The following ATP8A1 variants were observed in gnomAD, a reference collection of about 807,000 sequenced individuals.
The protein encoded by ATP8A1 is phospholipid-transporting ATPase IA.
In ATP8A1, 90 loss-of-function variants were observed where a neutral mutation model predicts 177.7. The observed-to-expected ratio is 0.51, with a 90% confidence interval of 0.43 to 0.60. The LOEUF (loss-of-function observed/expected upper bound fraction) is 0.60. Among genes scored for constraint, ATP8A1 ranks in the 20% least tolerant of loss-of-function variants. ATP8A1 has a pLI of 0.00. For missense variants in ATP8A1, 1,072 were observed against 1,392.8 expected (o/e 0.77, Z 3.67); for synonymous variants, 493 against 485.9 (o/e 1.01, Z -0.19).
At position 42,411,499 on chromosome 4, in the gene ATP8A1, T is replaced by C. The variant is rs1712598688; in HGVS notation, c.*1417A>G. On this transcript the variant is annotated 3_prime_UTR_variant, in exon 37 of 37. Coordinates refer to ENST00000381668, the MANE Select transcript of ATP8A1 (RefSeq NM_006095.2). ...TCTCTGAAGTGTATCTGAAAACTAA[T>C]TCCTTTTTTTCAAATGAAAGTATTA... 1 of 152,246 alleles carries C rather than the reference T, an allele frequency of 6.6e-6. No homozygotes were observed. Among genetic ancestry groups the C allele is most frequent in the African/African-American group, 2.4e-5 (1 of 41,460 alleles). 9.4% of individuals were successfully genotyped at this position (152,246 alleles called of 1,614,324 possible).
At chr4:42,448,797 T>A (rs1717590593) in intron 30 of ATP8A1, among the ~76,000 whole-genome samples, 1 of 150,832 alleles carries the variant, frequency 6.6e-6, no homozygotes. Context: ...CTTTATTGCA[T>A]TAAAATCCAT....
rs1712776828 is a variant in ATP8A1, at chr4:42,412,858, G to A, written c.*58C>T. 2 of 1,495,454 alleles carry A rather than the reference G, an allele frequency of 1.3e-6. No homozygotes were observed. The highest frequency in any genetic ancestry group is 2.8e-5 in the African/African-American group (2 of 72,452). 92.6% of individuals were successfully genotyped at this position (1,495,454 alleles called of 1,614,324 possible). ...CTGGAATTGGTTAGCAGACTGCGGT[G>A]ACAACCTGGTAGCTCTCCTTAGAGA... is the stretch of plus-strand genomic sequence containing the variant. On this transcript the variant is annotated 3_prime_UTR_variant, in exon 37 of 37. Coordinates refer to ENST00000381668, the MANE Select transcript of ATP8A1 (RefSeq NM_006095.2).
At chr4:42,579,077 C>T (rs1239829717) in intron 11 of ATP8A1, among the ~76,000 whole-genome samples, 1 of 151,918 alleles carries the variant, frequency 6.6e-6, no homozygotes, top group African/African-American at 2.4e-5. Context: ...TGCTTTCACA[C>T]TTTTGGAAGT....
chr4:42,589,857 T>A (rs943174945), intron 7 of ATP8A1, among the ~76,000 whole-genome samples: 1 of 152,006 alleles, frequency 6.6e-6, no homozygotes, highest in African/African-American at 2.4e-5. Flanking sequence ...TTCTACTTTT[T>A]TTTTTTGCAT....
At chr4:42,614,213 C>CCACAGG (rs1736676914) in intron 5 of ATP8A1, among the ~76,000 whole-genome samples, 1 of 152,088 alleles carries the variant, frequency 6.6e-6, no homozygotes, top group Non-Finnish European at 1.5e-5. Context: ...GGTGGAGCAC[C>CCACAGG]TGTGTGGTAG....
At chr4:42,616,428 T>C (rs753835736) in intron 4 of ATP8A1, among the ~76,000 whole-genome samples, 2 of 152,258 alleles carry the variant, frequency 1.3e-5, no homozygotes, top group African/African-American at 4.8e-5. Flanking sequence ...TTTGCTTTAA[T>C]AACTCACTTC....
intron 1 of ATP8A1, among the ~76,000 whole-genome samples, chr4:42,632,692 G>C (rs564653903): frequency 1.3e-5 from 2 of 152,312 alleles, no homozygotes; most frequent in South Asian, 4.1e-4. Flanking sequence ...AAAGGATGCT[G>C]GTGGGTCACT....
chr4:42,505,543 C>T (rs1724280144), intron 23 of ATP8A1, among the ~76,000 whole-genome samples: 1 of 152,122 alleles, frequency 6.6e-6, no homozygotes, highest in African/African-American at 2.4e-5. Context: ...CATTTTCTCT[C>T]TAATAGCAGC....
Position 42,411,197 on chromosome 4 carries a change from T to C in ATP8A1, c.*1719A>G, listed in dbSNP as rs1712562789. 1.3e-5 allele frequency: 2 copies of C among 152,194 alleles called. No homozygotes were observed. The highest frequency in any genetic ancestry group is 1.3e-4 in the Admixed American group (2 of 15,278). 9.4% of individuals were successfully genotyped at this position (152,194 alleles called of 1,614,324 possible). ...TAAGGTTAGAATTATGTATATGTGTTATAACCTCTTATTTGTAGAAAATGG... is the reference window on the plus strand; with the variant it reads ...TAAGGTTAGAATTATGTATATGTGTCATAACCTCTTATTTGTAGAAAATGG... On this transcript the variant is annotated 3_prime_UTR_variant, in exon 37 of 37. Coordinates refer to ENST00000381668, the MANE Select transcript of ATP8A1 (RefSeq NM_006095.2).
At chr4:42,498,535 A>G (rs1003347855) in intron 24 of ATP8A1, among the ~76,000 whole-genome samples, 1 of 152,204 alleles carries the variant, frequency 6.6e-6, no homozygotes, top group Non-Finnish European at 1.5e-5. Context: ...ATGTAAGTGA[A>G]GTGAAACACT....
At chr4:42,494,162 CAAAAAA>C (rs397993131) in intron 24 of ATP8A1, among the ~76,000 whole-genome samples, 4,835 of 53,518 alleles carry the variant, frequency 0.09, 409 homozygotes, top group African/African-American at 0.26. Flanking sequence ...GATCATGCCA[CAAAAAA>C]AAAAAAAAAA....
intron 12 of ATP8A1, among the ~76,000 whole-genome samples, chr4:42,576,510 CAT>C (rs1732479556): frequency 1.1e-5 from 1 of 91,450 alleles, no homozygotes; most frequent in South Asian, 4.0e-4. Flanking sequence ...AAAAAAAGAG[CAT>C]AGTTTTTTAC....
intron 1 of ATP8A1, among the ~76,000 whole-genome samples, chr4:42,644,631 C>T (rs1396334684): frequency 2.6e-5 from 4 of 151,602 alleles, no homozygotes; most frequent in African/African-American, 7.3e-5. Flanking sequence ...TTTCTAATCC[C>T]CAGAGCGTCA....
chr4:42,475,318 T>A (rs1720924740), intron 25 of ATP8A1, among the ~76,000 whole-genome samples: 1 of 152,094 alleles, frequency 6.6e-6, no homozygotes, highest in African/African-American at 2.4e-5. Context: ...CCTGGCTAAT[T>A]TGTAATTTTT....
At chr4:42,504,795 T>G (rs911296217) in intron 23 of ATP8A1, among the ~76,000 whole-genome samples, 1 of 152,268 alleles carries the variant, frequency 6.6e-6, no homozygotes, top group African/African-American at 2.4e-5. Context: ...CCCTGTTTAC[T>G]TGCAGTAAAT....
At chr4:42,576,950 T>C (rs1560478570) in intron 12 of ATP8A1, among the ~76,000 whole-genome samples, 1 of 152,196 alleles carries the variant, frequency 6.6e-6, no homozygotes, top group Non-Finnish European at 1.5e-5. Context: ...GATTAAGCAT[T>C]TTCTTAATAG....
intron 24 of ATP8A1, 50 bp downstream of exon 24, chr4:42,503,400 A>G: frequency 9.4e-7 from 1 of 1,066,144 alleles, no homozygotes; most frequent in Non-Finnish European, 1.4e-6. Flanking sequence ...AAAATACTAT[A>G]GCATGAATAT....
chr4:42,525,881 C>A (rs557314753), intron 20 of ATP8A1, among the ~76,000 whole-genome samples: 1 of 152,062 alleles, frequency 6.6e-6, no homozygotes, highest in South Asian at 2.1e-4. Flanking sequence ...ATGGAGTATT[C>A]CAAGCCGCAA....
chr4:42,621,112 T>A (rs1456549009), intron 4 of ATP8A1, among the ~76,000 whole-genome samples: 2 of 152,174 alleles, frequency 1.3e-5, no homozygotes, highest in Non-Finnish European at 1.5e-5. Context: ...CTACCACAAT[T>A]TAAAGGTTGG....
Sources: gnomAD v4.1 joint callset for allele counts (sites outside exome capture counted in the v4.1 genomes callset) on GRCh38, gnomAD v4.1.1 for gene constraint, MANE v1.5 for transcripts, NCBI Gene and HGNC (gene_info 2026-07-23, HGNC 2026-07-21) for gene names.